Variants in SEC23B observed in about 807,000 individuals in gnomAD.
The protein encoded by SEC23B is protein transport protein Sec23B.
In SEC23B, 77 loss-of-function variants were observed where a neutral mutation model predicts 104.3. The observed-to-expected ratio is 0.74, with a 90% CI of 0.61 to 0.89. SEC23B has a LOEUF of 0.89. Among genes scored for constraint, SEC23B ranks in the 40% least tolerant of loss-of-function variants. SEC23B has a pLI of 0.00. For synonymous variants in SEC23B, 338 were observed against 332.5 expected, an observed-to-expected ratio of 1.02 and a Z score of -0.18; for missense variants, 885 against 949.4, an observed-to-expected ratio of 0.93 and a Z score of 0.89.
intron 4 of SEC23B, among the ~76,000 whole-genome samples, chr20:18,519,424 T>C (rs1466879572): frequency 2.0e-5 from 3 of 152,118 alleles, no homozygotes; most frequent in African/African-American, 7.2e-5. Flanking sequence ...GAGTTGAGCA[T>C]AGTTTGTGAT....
At chr20:18,560,246 G>T (rs531547274) in intron 19 of SEC23B, among the ~76,000 whole-genome samples, 8 of 152,098 alleles carry the variant, frequency 5.3e-5, no homozygotes, top group Non-Finnish European at 1.0e-4. Context: ...GTTCAGTGGA[G>T]ATACCAGTTC....
intron 4 of SEC23B, among the ~76,000 whole-genome samples, chr20:18,521,674 G>A (rs1344113026): frequency 6.6e-6 from 1 of 152,106 alleles, no homozygotes; most frequent in Non-Finnish European, 1.5e-5. Context: ...TTGGGACCTA[G>A]CTTGGCCTGG....
chr20:18,514,620 T>G (rs1418282985), intron 3 of SEC23B, among the ~76,000 whole-genome samples: 2 of 152,228 alleles, frequency 1.3e-5, no homozygotes. Flanking sequence ...CTATTTGGAT[T>G]ATAAGCCAAC....
chr20:18,548,521 T>C, intron 15 of SEC23B, 88 bp from the exon 16 acceptor site: 1 of 1,358,732 alleles, frequency 7.4e-7, no homozygotes, highest in Non-Finnish European at 1.0e-6. Flanking sequence ...GGTTCTCCTA[T>C]TTCAGAGCCC....
intron 3 of SEC23B, among the ~76,000 whole-genome samples, chr20:18,513,496 T>G (rs1761499856): frequency 6.6e-6 from 1 of 152,240 alleles, no homozygotes; most frequent in African/African-American, 2.4e-5. Context: ...TCAATAAAGT[T>G]GTTAGAAAAA....
At chr20:18,531,897 A>T (rs1056584156) in intron 10 of SEC23B, among the ~76,000 whole-genome samples, 52 of 18,262 alleles carry the variant, frequency 2.8e-3, no homozygotes, top group African/African-American at 4.3e-3. Context: ...AAATGATTTA[A>T]AAAAAAAAAA....
chr20:18,518,464 A>G (rs1434783138), intron 4 of SEC23B, among the ~76,000 whole-genome samples: 1 of 151,800 alleles, frequency 6.6e-6, no homozygotes, highest in Admixed American at 6.6e-5. Context: ...TTGAGGATAG[A>G]TTTCCACGAT....
chr20:18,524,437 G>A lies in SEC23B; in HGVS notation c.371G>A (p.Gly124Asp). ...FSTIEYVIQR[G>D]AQSPLIFLYV... ...GCTGTTTTTCTTTGCCCAAAGCGAG[G>A]TGCTCAGTCCCCTCTGATCTTTCTC... The change falls in exon 5 of 20, where the codon GGT (glycine) becomes GAT (aspartate). Residue 124 changes from glycine to aspartate, a missense_variant. Coordinates refer to ENST00000650089, the MANE Select transcript of SEC23B (RefSeq NM_006363.6). 16 of 1,613,226 alleles carry A rather than the reference G, an allele frequency of 9.9e-6. No individual in the cohort carries two copies. The highest frequency in any genetic ancestry group is 1.3e-5 in the Non-Finnish European group (15 of 1,179,234).
At chr20:18,525,054 T>C (rs1568605764) in intron 6 of SEC23B, 34 bp downstream of exon 6, 1 of 1,559,368 alleles carries the variant, frequency 6.4e-7, no homozygotes, top group Non-Finnish European at 8.8e-7. Context: ...ACACGTATTG[T>C]GATGGACATG....
chr20:18,531,961 G>A (rs564014077), intron 10 of SEC23B, among the ~76,000 whole-genome samples: 10 of 152,202 alleles, frequency 6.6e-5, no homozygotes, highest in Non-Finnish European at 1.5e-4. Context: ...AGGAGGCTGA[G>A]GCGGGAAAAT....
chr20:18,514,552 C>G (rs1407075162), intron 3 of SEC23B, among the ~76,000 whole-genome samples: 2 of 152,170 alleles, frequency 1.3e-5, no homozygotes, highest in Non-Finnish European at 2.9e-5. Context: ...CTGGAGTGAT[C>G]ATCTGCTCAC....
chr20:18,537,874 G>C (rs549195151), intron 12 of SEC23B, among the ~76,000 whole-genome samples: 5 of 152,142 alleles, frequency 3.3e-5, no homozygotes, highest in African/African-American at 1.2e-4. Flanking sequence ...CATTGATGTT[G>C]TTGGCTGCTG....
chr20:18,512,308 TTA>T (rs1281047333), intron 3 of SEC23B, 26 bp downstream of exon 3: 3 of 1,389,932 alleles, frequency 2.2e-6, no homozygotes, highest in South Asian at 1.2e-5. Context: ...TTAAAAAATG[TTA>T]TATGTTTTAT....
chr20:18,527,720 G>A, intron 9 of SEC23B, 109 bp downstream of exon 9: 1 of 802,694 alleles, frequency 1.2e-6, no homozygotes, highest in South Asian at 1.3e-5. Flanking sequence ...AAGCTTTCAG[G>A]TAGCTCTGGG....
intron 4 of SEC23B, among the ~76,000 whole-genome samples, chr20:18,520,098 GAAT>G (rs1473552560): frequency 6.6e-6 from 1 of 152,202 alleles, no homozygotes; most frequent in Non-Finnish European, 1.5e-5. Flanking sequence ...ATCCAGAACA[GAAT>G]AATGAGTTGT....
At chr20:18,556,541 C>T (rs1319076382) in intron 19 of SEC23B, among the ~76,000 whole-genome samples, 1 of 152,086 alleles carries the variant, frequency 6.6e-6, no homozygotes, top group Non-Finnish European at 1.5e-5. Context: ...ATCTGCAAGC[C>T]GGGGACAGTT....
At chr20:18,550,264 C>G (rs981441126) in intron 16 of SEC23B, among the ~76,000 whole-genome samples, 5 of 151,978 alleles carry the variant, frequency 3.3e-5, no homozygotes, top group Non-Finnish European at 7.4e-5. Flanking sequence ...AGGTGATCCT[C>G]CCACTTCAGC....
intron 11 of SEC23B, among the ~76,000 whole-genome samples, chr20:18,535,129 C>T (rs188482419): frequency 6.6e-6 from 1 of 152,236 alleles, no homozygotes; most frequent in African/African-American, 2.4e-5. Context: ...TCTTAAGAGT[C>T]TGACTTGATT....
chr20:18,531,917 G>C (rs188658275), intron 10 of SEC23B, among the ~76,000 whole-genome samples: 1 of 151,732 alleles, frequency 6.6e-6, no homozygotes, highest in Non-Finnish European at 1.5e-5. Flanking sequence ...AATTAACCTC[G>C]TGTGGTGGTG....
Sources: allele counts gnomAD v4.1 joint callset (sites outside exome capture counted in the v4.1 genomes callset), GRCh38; gene constraint gnomAD v4.1.1; transcripts MANE v1.5; gene names NCBI Gene and HGNC (gene_info 2026-07-23, HGNC 2026-07-21).